The following SLAMF9 variants were observed in gnomAD, a reference collection of about 807,000 sequenced individuals.
The protein encoded by SLAMF9 is SLAM family member 9.
SLAMF9 carries 25 observed loss-of-function variants against 30.4 expected under a neutral mutation model. The observed-to-expected ratio is 0.82, with a 90% CI of 0.60 to 1.15. SLAMF9 has a LOEUF of 1.15. Ranked by LOEUF, SLAMF9 falls within the 50% of genes most tolerant of loss-of-function variation. SLAMF9 has a pLI of 0.00. For synonymous variants in SLAMF9, 129 were observed against 127.2 expected, an observed-to-expected ratio of 1.01 and a Z score of -0.09; for missense variants, 344 against 346.1, an observed-to-expected ratio of 0.99 and a Z score of 0.05.
the SLAMF9 span, among the ~76,000 whole-genome samples, chr1:159,975,866 C>T: frequency 3.3e-5 from 5 of 152,318 alleles, no homozygotes; most frequent in East Asian, 1.9e-4. Context: ...GAGGGCAAGA[C>T]GCTGATCTGT....
At chr1:159,968,234 C>T in the SLAMF9 span, among the ~76,000 whole-genome samples, 1 of 152,114 alleles carries the variant, frequency 6.6e-6, no homozygotes, top group Non-Finnish European at 1.5e-5. Context: ...CAGCTGTGGG[C>T]TTGTTGTATA....
At chr1:159,962,529 C>T in the SLAMF9 span, among the ~76,000 whole-genome samples, 18,726 of 151,948 alleles carry the variant, frequency 0.12, 1,224 homozygotes, top group Middle Eastern at 0.22. Flanking sequence ...CTGACCCCAC[C>T]CCACCCCACA....
At chr1:159,981,602 C>T in the SLAMF9 span, among the ~76,000 whole-genome samples, 1 of 152,206 alleles carries the variant, frequency 6.6e-6, no homozygotes, top group Non-Finnish European at 1.5e-5. Context: ...CCGTGACTGG[C>T]CTTAGAGCAG....
chr1:159,973,640 A>T, the SLAMF9 span, among the ~76,000 whole-genome samples: 1 of 152,084 alleles, frequency 6.6e-6, no homozygotes, highest in Non-Finnish European at 1.5e-5. Context: ...AGATGGGGGT[A>T]TTGAGACAAC....
chr1:159,973,715 C>G, the SLAMF9 span: 18,417 of 1,304,776 alleles, frequency 0.014, 210 homozygotes, highest in South Asian at 0.032. Flanking sequence ...GACAGGGGTC[C>G]TGTCCAGAGA....
upstream of SLAMF9, among the ~76,000 whole-genome samples, chr1:159,958,219 C>T (rs968062211): frequency 1.6e-4 from 24 of 152,238 alleles, no homozygotes; most frequent in Non-Finnish European, 3.5e-4. Context: ...AACTGCACTT[C>T]TTGCAGCCAA....
At chr1:159,951,947 A>C in intron 3 of SLAMF9, 81 bp from the exon 4 acceptor site, 3 of 1,205,654 alleles carry the variant, frequency 2.5e-6, no homozygotes, top group Admixed American at 2.0e-5. Context: ...CCCAAATTTC[A>C]TGAAGGGGTC....
the SLAMF9 span, among the ~76,000 whole-genome samples, chr1:159,980,821 G>A: frequency 3.9e-5 from 6 of 152,208 alleles, no homozygotes; most frequent in South Asian, 2.1e-4. Context: ...GATTACAGGC[G>A]TAAGCCACCG....
rs894728822 is a variant in SLAMF9, at chr1:159,953,977, A to G, written c.46+115T>C. 5 of 1,299,546 alleles carry G rather than the reference A, an allele frequency of 3.8e-6. No homozygotes were observed. In the African/African-American group the frequency reaches 7.3e-5, roughly 19 times the overall value. The allele number at this position is 1,299,546 out of a possible 1,614,324, so 80.5% of individuals were successfully genotyped here. ...CACACACCCTACTCCTTGTAACTCC[A>G]GAAGAGCTGACACATTCAACCCCTA... On this transcript the variant is annotated intron_variant, in intron 1 of 3. Transcript: ENST00000368093.
At chr1:159,953,729 GA>G in intron 1 of SLAMF9, 76 bp from the exon 2 acceptor site, 3 of 1,348,832 alleles carry the variant, frequency 2.2e-6, no homozygotes, top group Non-Finnish European at 3.0e-6. Flanking sequence ...GGAGCTGCCA[GA>G]GTAGCGTAAT....
At chr1:159,967,770 AT>A in the SLAMF9 span, among the ~76,000 whole-genome samples, 1 of 151,994 alleles carries the variant, frequency 6.6e-6, no homozygotes, top group Non-Finnish European at 1.5e-5. Flanking sequence ...GTTTTCATTC[AT>A]TTCTTTCATT....
chr1:159,983,125 C>G, the SLAMF9 span: 1 of 152,278 alleles, frequency 6.6e-6, no homozygotes, highest in South Asian at 2.1e-4. Context: ...GGTTAGGCTC[C>G]TCTCTTATCA....
the SLAMF9 span, among the ~76,000 whole-genome samples, chr1:159,972,070 G>A: frequency 0.15 from 22,466 of 152,126 alleles, 1,710 homozygotes; most frequent in Middle Eastern, 0.23. Context: ...CTGGGGGGAG[G>A]GTGCCTAGAG....
the SLAMF9 span, among the ~76,000 whole-genome samples, chr1:159,969,557 G>A: frequency 6.6e-6 from 1 of 152,160 alleles, no homozygotes; most frequent in Non-Finnish European, 1.5e-5. Context: ...CCCTCTGCTC[G>A]GGGATTGCAG....
the SLAMF9 span, among the ~76,000 whole-genome samples, chr1:159,963,983 C>A: frequency 6.6e-6 from 1 of 152,160 alleles, no homozygotes; most frequent in Non-Finnish European, 1.5e-5. Flanking sequence ...TCGCTTGAAC[C>A]TGGGAGGCAG....
chr1:159,956,481 G>A (rs1651924988), upstream of SLAMF9, among the ~76,000 whole-genome samples: 1 of 151,848 alleles, frequency 6.6e-6, no homozygotes, highest in African/African-American at 2.4e-5. Context: ...CTCCCAGCCA[G>A]GGGTAAGAGA....
chr1:159,970,628 C>T, the SLAMF9 span, among the ~76,000 whole-genome samples: 1 of 152,132 alleles, frequency 6.6e-6, no homozygotes. Context: ...ATTTTCCTAC[C>T]CTACTTTCTT....
At chr1:159,963,701 T>A in the SLAMF9 span, among the ~76,000 whole-genome samples, 5 of 152,164 alleles carry the variant, frequency 3.3e-5, no homozygotes, top group Non-Finnish European at 5.9e-5. Context: ...GACTCCCTGA[T>A]GCTTATTGAT....
At chr1:159,979,800 A>G in the SLAMF9 span, among the ~76,000 whole-genome samples, 1 of 152,196 alleles carries the variant, frequency 6.6e-6, no homozygotes, top group Non-Finnish European at 1.5e-5. Flanking sequence ...ACACGTATGG[A>G]GACACAAAGC....
Sources: gnomAD v4.1 joint callset for allele counts (sites outside exome capture counted in the v4.1 genomes callset) on GRCh38, gnomAD v4.1.1 for gene constraint, MANE v1.5 for transcripts, NCBI Gene and HGNC (gene_info 2026-07-23, HGNC 2026-07-21) for gene names.